Variants in EPB41L3 observed in about 807,000 individuals in gnomAD.
EPB41L3 encodes erythrocyte membrane protein band 4.1 like 3.
In EPB41L3, 57 loss-of-function variants were observed where a neutral mutation model predicts 127.1. The observed-to-expected ratio is 0.45, with a 90% CI of 0.36 to 0.56. The LOEUF (loss-of-function observed/expected upper bound fraction) is 0.56, where lower values mean the gene tolerates loss of function less well. Among genes scored for constraint, EPB41L3 ranks in the 20% least tolerant of loss-of-function variants. The pLI, the probability that EPB41L3 is intolerant of heterozygous loss-of-function variation, is 0.00. For synonymous variants in EPB41L3, 572 were observed against 549.5 expected (o/e 1.04, Z -0.57); for missense variants, 1,273 against 1,372.2 (o/e 0.93, Z 1.14).
intron 1 of EPB41L3, among the ~76,000 whole-genome samples, chr18:5,495,945 A>G (rs962683853): frequency 3.9e-5 from 6 of 152,234 alleles, no homozygotes; most frequent in African/African-American, 1.4e-4. Context: ...CCAAGGGCAT[A>G]AAGGTCTGAG....
chr18:5,489,634 G>A (rs2090352860), intron 1 of EPB41L3, among the ~76,000 whole-genome samples: 1 of 152,098 alleles, frequency 6.6e-6, no homozygotes, highest in Non-Finnish European at 1.5e-5. Context: ...TCTCTATACA[G>A]GGGCCCTCCC....
chr18:5,465,845 T>C (rs1310665736), intron 3 of EPB41L3, among the ~76,000 whole-genome samples: 1 of 152,174 alleles, frequency 6.6e-6, no homozygotes, highest in African/African-American at 2.4e-5. Flanking sequence ...TCCTCCAGTC[T>C]CATTTAATTC....
At chr18:5,582,483 T>C (rs2094402535) in intron 3 of EPB41L3, among the ~76,000 whole-genome samples, 1 of 152,234 alleles carries the variant, frequency 6.6e-6, no homozygotes, top group African/African-American at 2.4e-5. Context: ...TACAATTTAA[T>C]TTCTCCCAAC....
At chr18:5,548,326 CT>C, upstream of EPB41L3, among the ~76,000 whole-genome samples, 1 of 152,208 alleles carries the variant, frequency 6.6e-6, no homozygotes, top group Non-Finnish European at 1.5e-5. Flanking sequence ...CTTCCAGATG[CT>C]CTCTTCATAT....
At chr18:5,570,311 G>GCTT (rs1287368006) in intron 3 of EPB41L3, 1 of 152,054 alleles carries the variant, frequency 6.6e-6, no homozygotes, top group Non-Finnish European at 1.5e-5. Context: ...GTAACACAAG[G>GCTT]GCTTTATAAC....
chr18:5,536,218 G>A (rs956626377), intron 1 of EPB41L3, among the ~76,000 whole-genome samples: 45 of 151,930 alleles, frequency 3.0e-4, no homozygotes, highest in African/African-American at 1.1e-3. Flanking sequence ...ACAACATTGA[G>A]ATATACATAA....
chr18:5,470,558 G>GA (rs2085930780), intron 3 of EPB41L3, among the ~76,000 whole-genome samples: 1 of 152,174 alleles, frequency 6.6e-6, no homozygotes, highest in Non-Finnish European at 1.5e-5. Context: ...ATGCATTCTA[G>GA]AAAATGCAAA....
chr18:5,493,802 C>T (rs998019812), intron 1 of EPB41L3, among the ~76,000 whole-genome samples: 1 of 152,140 alleles, frequency 6.6e-6, no homozygotes, highest in African/African-American at 2.4e-5. Context: ...AGTAACTTCG[C>T]TAAGGTGACC....
chr18:5,617,640 G>A (rs577536460), intron 1 of EPB41L3, among the ~76,000 whole-genome samples: 4 of 152,288 alleles, frequency 2.6e-5, no homozygotes, highest in Non-Finnish European at 4.4e-5. Context: ...TTTTTTAAAC[G>A]CAAATAACAA....
At chr18:5,578,932 G>A (rs560496768) in intron 3 of EPB41L3, among the ~76,000 whole-genome samples, 3 of 152,278 alleles carry the variant, frequency 2.0e-5, no homozygotes, top group South Asian at 4.1e-4. Context: ...TGGCACATGT[G>A]CATAGGAGTT....
chr18:5,552,500 A>G (rs2093979744), intron 3 of EPB41L3, among the ~76,000 whole-genome samples: 2 of 152,262 alleles, frequency 1.3e-5, no homozygotes, highest in African/African-American at 4.8e-5. Flanking sequence ...AACAGATAAA[A>G]ATATTTGAAA....
chr18:5,556,703 A>G (rs1193353468), intron 3 of EPB41L3, among the ~76,000 whole-genome samples: 1 of 152,178 alleles, frequency 6.6e-6, no homozygotes, highest in Non-Finnish European at 1.5e-5. Context: ...ATTGTGGGGA[A>G]CAGAGCAGGA....
chr18:5,433,840 G>T, intron 7 of EPB41L3, 63 bp downstream of exon 7: 1 of 1,529,330 alleles, frequency 6.5e-7, no homozygotes, highest in Non-Finnish European at 9.1e-7. Flanking sequence ...GGAAGAGGTG[G>T]GTTGTGTGCG....
chr18:5,513,703 T>C (rs148284238), intron 1 of EPB41L3, among the ~76,000 whole-genome samples: 1 of 152,354 alleles, frequency 6.6e-6, no homozygotes, highest in Non-Finnish European at 1.5e-5. Context: ...ATGGGGATAG[T>C]TAACATTCCT....
At chr18:5,438,618 G>A (rs2080219323) in intron 5 of EPB41L3, among the ~76,000 whole-genome samples, 1 of 152,206 alleles carries the variant, frequency 6.6e-6, no homozygotes, top group Non-Finnish European at 1.5e-5. Context: ...TTGTTGCAGT[G>A]AACAGTGTTC....
chr18:5,419,788 C>G lies in EPB41L3; in HGVS notation c.1429G>C (p.Glu477Gln). 6.2e-7 allele frequency: 1 copy of G among 1,614,208 alleles called. No individual in the cohort carries two copies. Among genetic ancestry groups the G allele is most frequent in the Non-Finnish European group, 8.5e-7 (1 of 1,180,044 alleles). Residue 477 changes from glutamate (E) to glutamine (Q), a missense_variant, in exon 12 of 23, where the codon GAG (glutamate) becomes CAG (glutamine). Physicochemically the swap from Glu to Gln is conservative, Grantham distance 29 (BLOSUM62 2). Coordinates refer to ENST00000341928, the MANE Select transcript of EPB41L3 (RefSeq NM_012307.5). ...CGTTTGTCCTCTTCCTCGTCCCGCTCCTCCTCAGCCTTCTTCTCCGGAGTC... is the reference window on the plus strand; with the variant it reads ...CGTTTGTCCTCTTCCTCGTCCCGCTGCTCCTCAGCCTTCTTCTCCGGAGTC... ...TVTPEKKAEE[E>Q]RDEEEDKRRK...
chr18:5,526,295 A>G (rs954833938), intron 1 of EPB41L3, among the ~76,000 whole-genome samples: 1 of 152,198 alleles, frequency 6.6e-6, no homozygotes, highest in African/African-American at 2.4e-5. Flanking sequence ...GTGGATCATC[A>G]CTGAGGTAGT....
chr18:5,497,758 T>C (rs2091311155), intron 1 of EPB41L3, among the ~76,000 whole-genome samples: 1 of 152,228 alleles, frequency 6.6e-6, no homozygotes, highest in South Asian at 2.1e-4. Context: ...GATATATTCC[T>C]GTGGTTTAAG....
In EPB41L3 at chr18:5,484,363, G is replaced by A. The variant is rs1457333897; in HGVS notation, c.183+4638C>T. Among the ~76,000 whole-genome samples the A allele has an allele frequency of 4.0e-5, 6 of 151,368 alleles. 1 individual carries two copies. In the South Asian group the frequency reaches 1.2e-3, roughly 31 times the overall value. ...CAAAAGCAGTACTAAGAGGGAAGTG[G>A]AGAGCAATAAACGTCTATATCAAAA... is the stretch of plus-strand genomic sequence containing the variant. On this transcript the variant is annotated intron_variant, in intron 2 of 22. Coordinates refer to ENST00000341928, the MANE Select transcript of EPB41L3 (RefSeq NM_012307.5).
Sources: gnomAD v4.1 joint callset for allele counts (sites outside exome capture counted in the v4.1 genomes callset) on GRCh38, gnomAD v4.1.1 for gene constraint, MANE v1.5 for transcripts, NCBI Gene and HGNC (gene_info 2026-07-23, HGNC 2026-07-21) for gene names.